The following GSK3B variants were observed in gnomAD, a reference collection of about 807,000 sequenced individuals.
The protein encoded by GSK3B is glycogen synthase kinase 3 beta, also known as glycogen synthase kinase-3 beta.
GSK3B carries 15 observed loss-of-function variants against 56.4 expected under a neutral mutation model. The observed-to-expected ratio is 0.27, with a 90% CI of 0.18 to 0.41. GSK3B has a LOEUF of 0.41. Ranked by LOEUF, GSK3B falls within the 10% of genes least tolerant of loss-of-function variation. The probability of loss-of-function intolerance (pLI) is 1.00; values close to 1 mark genes in which losing one functional copy is unlikely to be tolerated. For synonymous variants in GSK3B, 181 were observed against 188.9 expected (o/e 0.96, Z 0.34); for missense variants, 300 against 513.4 (o/e 0.58, Z 4.02).
intron 1 of GSK3B, chr3:120,029,346 G>A (rs1166684263): frequency 4.0e-6 from 3 of 744,592 alleles, no homozygotes; most frequent in Admixed American, 3.6e-5. Context: ...AGCCTCAAAA[G>A]CCCTTTCTTT....
chr3:119,971,442 G>A (rs1474414040), intron 2 of GSK3B, among the ~76,000 whole-genome samples: 2 of 151,888 alleles, frequency 1.3e-5, no homozygotes, highest in Non-Finnish European at 2.9e-5. Context: ...CTTTTGACTG[G>A]AAGAGTTTTA....
At chr3:120,041,937 C>T (rs747819200) in intron 1 of GSK3B, among the ~76,000 whole-genome samples, 1 of 152,198 alleles carries the variant, frequency 6.6e-6, no homozygotes, top group South Asian at 2.1e-4. Flanking sequence ...CCAGGAGGAA[C>T]CATCTATACC....
At chr3:119,940,434 A>C (rs1185240728) in intron 3 of GSK3B, among the ~76,000 whole-genome samples, 1 of 152,024 alleles carries the variant, frequency 6.6e-6, no homozygotes, top group Non-Finnish European at 1.5e-5. Flanking sequence ...CTCTCGAAAA[A>C]GTTAAAACTG....
chr3:119,858,960 A>AATAC lies in GSK3B; in HGVS notation c.1096+4458_1096+4459insGTAT, dbSNP rs1383475429. Reference sequence around the variant, plus strand: ...ATCAATTAGTTCAATACAAACTTCCAAAACAATCACAATAGTAACATCAAA... The same window carrying AATAC: ...ATCAATTAGTTCAATACAAACTTCCAATACAAACAATCACAATAGTAACATCAAA... On this transcript the variant is annotated intron_variant, in intron 9 of 10. Coordinates refer to ENST00000264235, the MANE Select transcript of GSK3B (RefSeq NM_001146156.2). Among the ~76,000 whole-genome samples the AATAC allele has an allele frequency of 3.9e-4, 60 of 152,144 alleles. 2 individuals carry two copies. The highest frequency in any genetic ancestry group is 3.3e-3 in the Admixed American group (51 of 15,260).
In GSK3B at chr3:119,823,181, G is replaced by A. The variant is rs1000554467; in HGVS notation, c.*3607C>T. On this transcript the variant is annotated 3_prime_UTR_variant, in exon 11 of 11. Coordinates refer to ENST00000264235, the MANE Select transcript of GSK3B (RefSeq NM_001146156.2). ...TCTTCTATTCAAGACATTTTATATG[G>A]ACTACTTTGAGGCAAAACATTCTAT... 2 of 229,002 alleles carry A rather than the reference G, an allele frequency of 8.7e-6. No homozygotes were observed. The highest frequency in any genetic ancestry group is 1.7e-5 in the Non-Finnish European group (2 of 115,362). 14.2% of individuals were successfully genotyped at this position (229,002 alleles called of 1,614,324 possible). A position where few individuals can be genotyped will look rare whatever the true frequency, so the allele number is the denominator to read the frequency against.
At chr3:120,032,889 A>C (rs148668278) in intron 1 of GSK3B, among the ~76,000 whole-genome samples, 1 of 152,340 alleles carries the variant, frequency 6.6e-6, no homozygotes, top group East Asian at 1.9e-4. Context: ...CATAACAAAT[A>C]ATTCACCCAA....
At chr3:120,084,444 G>A (rs1359544126) in intron 1 of GSK3B, 1 of 152,222 alleles carries the variant, frequency 6.6e-6, no homozygotes, top group Non-Finnish European at 1.5e-5. Flanking sequence ...CTGGAGGACA[G>A]AAGATTACTT....
At chr3:119,904,179 A>G (rs1419249288) in intron 7 of GSK3B, among the ~76,000 whole-genome samples, 1 of 152,152 alleles carries the variant, frequency 6.6e-6, no homozygotes, top group African/African-American at 2.4e-5. Flanking sequence ...TGAAGTACCT[A>G]TATGATATCC....
chr3:119,871,094 A>C (rs2056245130), intron 8 of GSK3B, among the ~76,000 whole-genome samples: 1 of 152,180 alleles, frequency 6.6e-6, no homozygotes, highest in South Asian at 2.1e-4. Context: ...CAGGGGAAAA[A>C]CTGTAGCATT....
intron 5 of GSK3B, among the ~76,000 whole-genome samples, chr3:119,914,143 C>T (rs1346140634): frequency 6.6e-6 from 1 of 151,984 alleles, no homozygotes; most frequent in African/African-American, 2.4e-5. Context: ...GTGATCACAT[C>T]TAGCTTTTTG....
intron 1 of GSK3B, among the ~76,000 whole-genome samples, chr3:120,072,899 A>G (rs949444157): frequency 1.1e-4 from 16 of 152,166 alleles, no homozygotes; most frequent in African/African-American, 3.4e-4. Context: ...ACTGAACGCA[A>G]AATTGGTGCC....
chr3:120,045,283 C>A (rs986383183), intron 1 of GSK3B, among the ~76,000 whole-genome samples: 1 of 152,160 alleles, frequency 6.6e-6, no homozygotes, highest in Non-Finnish European at 1.5e-5. Context: ...AGCCTGTTAA[C>A]TTCCTTGTTC....
chr3:120,086,137 CA>C, intron 1 of GSK3B, among the ~76,000 whole-genome samples: 1 of 150,512 alleles, frequency 6.6e-6, no homozygotes. Context: ...AAGCAGTCCA[CA>C]AACAAAAGGT....
At chr3:120,064,561 T>A (rs565197974) in intron 1 of GSK3B, among the ~76,000 whole-genome samples, 1 of 152,172 alleles carries the variant, frequency 6.6e-6, no homozygotes, top group Non-Finnish European at 1.5e-5. Flanking sequence ...TAGGAAGACA[T>A]AATACTGTCA....
intron 1 of GSK3B, chr3:120,028,732 T>C: frequency 2.1e-6 from 1 of 467,128 alleles, no homozygotes; most frequent in Non-Finnish European, 4.2e-6. Context: ...GGGGCAGAGG[T>C]TGGGAAGATG....
intron 7 of GSK3B, among the ~76,000 whole-genome samples, chr3:119,878,723 G>C (rs987659358): frequency 4.6e-5 from 7 of 152,012 alleles, no homozygotes; most frequent in African/African-American, 1.7e-4. Flanking sequence ...GCATCATCAA[G>C]TAAATAAATG....
intron 2 of GSK3B, among the ~76,000 whole-genome samples, chr3:119,981,490 C>G (rs2107451788): frequency 6.6e-6 from 1 of 152,342 alleles, no homozygotes; most frequent in East Asian, 1.9e-4. Flanking sequence ...AACTACCCAC[C>G]CAAATACTGC....
chr3:120,079,351 T>C lies in GSK3B; in HGVS notation c.88+13996A>G, dbSNP rs796135199. ...ACACACACACACACACACACACACA[T>C]TTTTTTTTTTAATAAGTAGACTACT... is the stretch of plus-strand genomic sequence containing the variant. On this transcript the variant is annotated intron_variant, in intron 1 of 10. Coordinates refer to ENST00000264235, the MANE Select transcript of GSK3B (RefSeq NM_001146156.2). Among the ~76,000 whole-genome samples the C allele has an allele frequency of 1.1e-4, 13 of 116,290 alleles. No individual in the cohort carries two copies. The South Asian group carries it at 1.3e-3, about 11-fold the overall frequency. The allele number at this position is 116,290 out of a possible 152,430, so 76.3% of individuals were successfully genotyped here. A position where few individuals can be genotyped will look rare whatever the true frequency, so the allele number is the denominator to read the frequency against.
intron 2 of GSK3B, among the ~76,000 whole-genome samples, chr3:119,949,793 CAAAAAAAA>C (rs927567102): frequency 1.6e-5 from 1 of 62,318 alleles, no homozygotes; most frequent in Non-Finnish European, 3.5e-5. Context: ...GACTCCGTCT[CAAAAAAAA>C]AAAAAAAAAA....
Sources: allele counts gnomAD v4.1 joint callset (sites outside exome capture counted in the v4.1 genomes callset), GRCh38; gene constraint gnomAD v4.1.1; transcripts MANE v1.5; gene names NCBI Gene and HGNC (gene_info 2026-07-23, HGNC 2026-07-21).